TSPEAR: variants seen among roughly 807,000 people sequenced by gnomAD.
TSPEAR encodes thrombospondin-type laminin G domain and EAR repeat-containing protein.
Under a neutral mutation model 71.6 loss-of-function variants are expected in TSPEAR, and 69 were observed. The ratio of observed to expected loss-of-function variants is 0.96; its 90% CI spans 0.79 to 1.18. The LOEUF is 1.18. TSPEAR is among the 50% of genes most tolerant of loss of function. The pLI, the probability that TSPEAR is intolerant of heterozygous loss-of-function variation, is 0.00. For missense variants in TSPEAR, 971 were observed against 894.9 expected (o/e 1.09, Z -1.09); for synonymous variants, 402 against 387.2 (o/e 1.04, Z -0.45).
intron 1 of TSPEAR, chr21:44,697,106 A>G (rs1987379078): frequency 1.3e-6 from 2 of 1,551,926 alleles, no homozygotes; most frequent in South Asian, 1.2e-5. Flanking sequence ...CAGCACCCAG[A>G]CACTCACTCA....
At position 44,521,938 on chromosome 21, in the gene TSPEAR, T is replaced by C. The variant is rs1200035781; in HGVS notation, c.1511A>G (p.His504Arg). Residue 504 changes from histidine to arginine, a missense_variant, in exon 9 of 12, where the codon CAC becomes CGC. Coordinates refer to ENST00000323084, the MANE Select transcript of TSPEAR (RefSeq NM_144991.3). ...NTFNGTSTKV[H>R]SHLYIRLLGS... is the part of the protein sequence containing the mutation. ...CAGGAGTCGGATGTAGAGGTGCGAG[T>C]GCACCTTGGTGGAGGTGCCGTTGAA... The C allele has an allele frequency of 1.2e-6, 2 of 1,613,772 alleles. No homozygotes were observed. Among genetic ancestry groups the C allele is most frequent in the South Asian group, 2.2e-5 (2 of 91,066 alleles).
At chr21:44,567,180 A>C (rs1415494874) in intron 2 of TSPEAR, among the ~76,000 whole-genome samples, 1 of 152,222 alleles carries the variant, frequency 6.6e-6, no homozygotes, top group Non-Finnish European at 1.5e-5. Flanking sequence ...TAATCCACGA[A>C]AAACTGGGCA....
chr21:44,512,391 TTGGAGACAGGCTTC>T (rs782775891), intron 9 of TSPEAR, among the ~76,000 whole-genome samples: 2 of 151,932 alleles, frequency 1.3e-5, no homozygotes, highest in African/African-American at 4.8e-5. Flanking sequence ...GGTGGTGGTC[TTGGAGACAGGCTTC>T]TGGAGACCCC....
intron 1 of TSPEAR, among the ~76,000 whole-genome samples, chr21:44,572,882 C>G (rs1978289091): frequency 7.9e-6 from 1 of 126,530 alleles, no homozygotes; most frequent in Non-Finnish European, 1.7e-5. Flanking sequence ...CACACACACA[C>G]ACACGGAGAA....
At chr21:44,651,259 C>T (rs1186069842) in intron 1 of TSPEAR, among the ~76,000 whole-genome samples, 16 of 152,118 alleles carry the variant, frequency 1.1e-4, no homozygotes, top group Admixed American at 7.9e-4. Flanking sequence ...TTTTCTTCTC[C>T]TTGCCTCCCC....
At position 44,539,398 on chromosome 21, in the gene TSPEAR, G is replaced by A. The variant is rs371224828; in HGVS notation, c.304-5475C>T. ...CCTGGCAGGAGGAGGCAGGGGCACAGCAGGAGGAGACAGGCATACAGCAGG... is the reference window on the plus strand; with the variant it reads ...CCTGGCAGGAGGAGGCAGGGGCACAACAGGAGGAGACAGGCATACAGCAGG... On this transcript the variant is annotated intron_variant, in intron 2 of 11. Coordinates refer to ENST00000323084, the MANE Select transcript of TSPEAR (RefSeq NM_144991.3). 5.8e-4 allele frequency: 930 copies of A among 1,601,934 alleles called. 4 individuals are homozygous for A. The highest frequency in any genetic ancestry group is 2.0e-4 in the Non-Finnish European group (234 of 1,170,166).
Position 44,593,436 on chromosome 21 carries a change from C to G in TSPEAR, c.83-25431G>C, listed in dbSNP as rs1335833213. Among the ~76,000 whole-genome samples, 2 of 152,156 alleles carry G rather than the reference C, an allele frequency of 1.3e-5. No individual in the cohort carries two copies. Among genetic ancestry groups the G allele is most frequent in the Admixed American group, 6.5e-5 (1 of 15,278 alleles). ...CCCGCACAGAAGACACAAAATGGGT[C>G]CATGAGAAGTTGATCTCACTGCAAA... On this transcript the variant is annotated intron_variant, in intron 1 of 11. Coordinates refer to ENST00000323084, the MANE Select transcript of TSPEAR (RefSeq NM_144991.3). The surrounding 1 kb of genome is among the most constrained non-coding windows in gnomAD (Gnocchi z 5.9).
At chr21:44,650,319 G>A (rs1438884932) in intron 1 of TSPEAR, among the ~76,000 whole-genome samples, 4 of 152,076 alleles carry the variant, frequency 2.6e-5, no homozygotes, top group African/African-American at 7.3e-5. Flanking sequence ...TCAAGTTGAA[G>A]TGAAGTCATT....
chr21:44,670,263 G>A (rs1488859548), intron 1 of TSPEAR, among the ~76,000 whole-genome samples: 1 of 152,146 alleles, frequency 6.6e-6, no homozygotes, highest in East Asian at 1.9e-4. Flanking sequence ...AGGTGGGGGG[G>A]TTGTTATAAT....
chr21:44,509,086 C>T (rs1486901419), intron 10 of TSPEAR, 113 bp downstream of exon 10: 2 of 1,380,348 alleles, frequency 1.4e-6, no homozygotes, highest in South Asian at 1.4e-5. Flanking sequence ...CAGGAAGGTC[C>T]CCAGGCCAGT....
At chr21:44,610,971 A>G (rs1229697400) in intron 1 of TSPEAR, among the ~76,000 whole-genome samples, 8 of 152,210 alleles carry the variant, frequency 5.3e-5, no homozygotes, top group African/African-American at 1.7e-4. Context: ...GCCATTTGGA[A>G]TGGCTGTATT....
At chr21:44,638,140 C>A in intron 1 of TSPEAR, 2 of 1,612,892 alleles carry the variant, frequency 1.2e-6, no homozygotes, top group Non-Finnish European at 1.7e-6. Flanking sequence ...CTGCCTGCTA[C>A]AGCCTCTGCT....
rs1317490036 is a variant in TSPEAR, at chr21:44,498,643, G to C, written c.*1140C>G. The C allele has an allele frequency of 1.3e-5, 2 of 152,286 alleles. No individual in the cohort carries two copies. The highest frequency in any genetic ancestry group is 2.9e-5 in the Non-Finnish European group (2 of 68,062). The allele number at this position is 152,286 out of a possible 1,614,324, so 9.4% of individuals were successfully genotyped here. On this transcript the variant is annotated 3_prime_UTR_variant, in exon 12 of 12. Transcript: ENST00000323084. ...CAGACAGCTGCGGTGTAGGAAATAG[G>C]AAGTTTTGTCCACAGTTCTGATTGG... is the stretch of plus-strand genomic sequence containing the variant.
intron 10 of TSPEAR, 52 bp from the exon 11 acceptor site, chr21:44,504,933 C>T: frequency 6.8e-7 from 1 of 1,475,716 alleles, no homozygotes; most frequent in Non-Finnish European, 9.4e-7. Flanking sequence ...CGCCAGGGAA[C>T]TGGGGGATTG....
At chr21:44,664,964 C>G (rs587726368) in intron 1 of TSPEAR, among the ~76,000 whole-genome samples, 16 of 152,330 alleles carry the variant, frequency 1.1e-4, no homozygotes, top group East Asian at 7.7e-4. Flanking sequence ...CCTCCCTCCT[C>G]TCATGCTCTG....
At chr21:44,662,735 T>C (rs931404352) in intron 1 of TSPEAR, among the ~76,000 whole-genome samples, 1 of 152,166 alleles carries the variant, frequency 6.6e-6, no homozygotes, top group African/African-American at 2.4e-5. Context: ...CTTCAACCCA[T>C]GTAAAAAAGT....
chr21:44,570,563 A>G (rs233275), intron 1 of TSPEAR, among the ~76,000 whole-genome samples: 65,249 of 152,064 alleles, frequency 0.43, 15,282 homozygotes, highest in Non-Finnish European at 0.53. Context: ...AGGTATAGCC[A>G]CTGAGGATGG....
chr21:44,658,680 C>A (rs587709271), intron 1 of TSPEAR, among the ~76,000 whole-genome samples: 10 of 152,150 alleles, frequency 6.6e-5, no homozygotes, highest in Non-Finnish European at 1.5e-4. Context: ...GGGGGAGTGG[C>A]CTGAAGGTTC....
rs373057130 is a variant in TSPEAR, at chr21:44,527,542, C to T, written c.923-24G>A. On this transcript the variant is annotated intron_variant, in intron 6 of 11. Coordinates refer to ENST00000323084, the MANE Select transcript of TSPEAR (RefSeq NM_144991.3). ...GGCTTGTGATAGAAACGTTGTGACT[C>T]GGTTAAGATTTCCGAGAACGGAAAT... is the stretch of plus-strand genomic sequence containing the variant. The T allele has an allele frequency of 1.5e-4, 235 of 1,609,086 alleles. 1 individual carries two copies. Among genetic ancestry groups the T allele is most frequent in the African/African-American group, 2.4e-4 (18 of 74,892 alleles).
Sources: allele counts gnomAD v4.1 joint callset (sites outside exome capture counted in the v4.1 genomes callset), GRCh38; gene constraint gnomAD v4.1.1; non-coding constraint Gnocchi (gnomAD v3.1); transcripts MANE v1.5; gene names NCBI Gene and HGNC (gene_info 2026-07-23, HGNC 2026-07-21).